The following MPDZ variants were observed in gnomAD, a reference collection of about 807,000 sequenced individuals.
The protein encoded by MPDZ is multiple PDZ domain protein.
A neutral mutation model predicts 239.1 loss-of-function variants in MPDZ; 234 were observed. The ratio of observed to expected loss-of-function variants is 0.98; its 90% CI spans 0.88 to 1.09. The LOEUF (loss-of-function observed/expected upper bound fraction) is 1.09. Ranked by LOEUF, MPDZ falls within the 50% of genes least tolerant of loss-of-function variation. The pLI is 0.00. For missense variants in MPDZ, 3,175 were observed against 2,510.0 expected (o/e 1.26, Z -5.66); for synonymous variants, 1,048 against 881.3 (o/e 1.19, Z -3.35).
rs145630154 is a variant in MPDZ, at chr9:13,225,636, G to A, written c.184-1053C>T. On this transcript the variant is annotated intron_variant, in intron 3 of 46. Coordinates refer to ENST00000319217, the MANE Select transcript of MPDZ (RefSeq NM_001378778.1). ...TTTAGAAACACAGACAATTACCATT[G>A]TGCTACAACTGCATACAGTACTCCA... Among the ~76,000 whole-genome samples, 84 of 151,942 alleles carry A rather than the reference G, an allele frequency of 5.5e-4. No individual in the cohort carries two copies. The East Asian group carries it at 0.015, about 27-fold the overall frequency.
chr9:13,272,351 A>G (rs899958339), intron 1 of MPDZ, among the ~76,000 whole-genome samples: 1 of 152,134 alleles, frequency 6.6e-6, no homozygotes, highest in East Asian at 1.9e-4. Context: ...TCCCTCAGCC[A>G]AAGAGCTAAA....
chr9:13,123,719 G>C (rs922532815), intron 35 of MPDZ, among the ~76,000 whole-genome samples: 3 of 152,170 alleles, frequency 2.0e-5, no homozygotes, highest in African/African-American at 7.2e-5. Context: ...ATGTGGCAAA[G>C]ACCTAGAAGT....
At chr9:13,251,402 C>A (rs981526974) in intron 1 of MPDZ, among the ~76,000 whole-genome samples, 9 of 152,146 alleles carry the variant, frequency 5.9e-5, no homozygotes, top group Admixed American at 4.6e-4. Flanking sequence ...CTTTGAAATA[C>A]TGGATACAGA....
In MPDZ at chr9:13,245,424, AAAG is replaced by A. The variant is rs554853528; in HGVS notation, c.183+2208_183+2210del. Among the ~76,000 whole-genome samples, 22 of 151,538 alleles carry A rather than the reference AAAG, an allele frequency of 1.5e-4. No individual in the cohort carries two copies. In the South Asian group the frequency reaches 1.5e-3, roughly 10 times the overall value. On this transcript the variant is annotated intron_variant, in intron 3 of 46. Coordinates refer to ENST00000319217, the MANE Select transcript of MPDZ (RefSeq NM_001378778.1). ...CTTTCTACCTTTGAAAAAAAAAAAA[AAAG>A]AAGAAGAAGATGTGAGACAGGCTCC...
At chr9:13,199,079 GA>G (rs148484925) in intron 12 of MPDZ, among the ~76,000 whole-genome samples, 1,720 of 151,944 alleles carry the variant, frequency 0.011, 19 homozygotes, top group Non-Finnish European at 0.014. Flanking sequence ...GTATGGCAAT[GA>G]ATATATAGAT....
At chr9:13,216,599 C>A (rs557507380) in intron 10 of MPDZ, among the ~76,000 whole-genome samples, 175 bp downstream of exon 10, 1 of 151,970 alleles carries the variant, frequency 6.6e-6, no homozygotes, top group African/African-American at 2.4e-5. Context: ...ATATCCAATA[C>A]CCTTATTTTA....
Position 13,176,385 on chromosome 9 carries a change from A to G in MPDZ, c.2682T>C (p.Leu894=). 6.3e-7 allele frequency: 1 copy of G among 1,598,488 alleles called. No individual in the cohort carries two copies. The highest frequency in any genetic ancestry group is 8.5e-7 in the Non-Finnish European group (1 of 1,171,920). Residue 894 remains leucine (L), a synonymous_variant, in exon 20 of 47, where the codon CTT becomes CTC. Coordinates refer to ENST00000319217, the MANE Select transcript of MPDZ (RefSeq NM_001378778.1). The part of the protein sequence containing the change: ...DVIENSCDPV[L]DLHMSLEELY... Reference sequence around the variant, plus strand: ...GTTCCTCCAGAGACATATGCAGATCAAGTACTGGATCACAAGAATTTTCAA... The same window carrying G: ...GTTCCTCCAGAGACATATGCAGATCGAGTACTGGATCACAAGAATTTTCAA...
chr9:13,165,315 A>C lies in MPDZ; in HGVS notation c.3255-2520T>G. 3 of 1,529,996 alleles carry C rather than the reference A, an allele frequency of 2.0e-6. No homozygotes were observed. The South Asian group carries it at 3.7e-5, about 19-fold the overall frequency. The allele number at this position is 1,529,996 out of a possible 1,614,324, so 94.8% of individuals were successfully genotyped here. On this transcript the variant is annotated intron_variant, in intron 22 of 46. Transcript: ENST00000319217. ...TACAAAAGCACAAAATTGTTTTCAC[A>C]GACAAGTTGTAACACACAGCCATAA...
intron 12 of MPDZ, among the ~76,000 whole-genome samples, chr9:13,202,405 C>A (rs895877759): frequency 6.6e-6 from 1 of 152,112 alleles, no homozygotes; most frequent in Non-Finnish European, 1.5e-5. Context: ...ATGAGAGCAC[C>A]AGGATTTTGT....
intron 22 of MPDZ, among the ~76,000 whole-genome samples, chr9:13,163,481 T>C (rs187013857): frequency 3.3e-5 from 5 of 152,302 alleles, no homozygotes; most frequent in Admixed American, 6.5e-5. Flanking sequence ...TGAATGCCTA[T>C]TATGCGGAAG....
At chr9:13,125,490 G>T in intron 34 of MPDZ, 100 bp from the exon 35 acceptor site, 1 of 1,091,830 alleles carries the variant, frequency 9.2e-7, no homozygotes, top group Non-Finnish European at 1.3e-6. Flanking sequence ...TCTCTCTATG[G>T]TTAAGGGGAG....
intron 5 of MPDZ, 42 bp downstream of exon 5, chr9:13,223,529 A>T (rs758107404): frequency 6.4e-7 from 1 of 1,558,752 alleles, no homozygotes; most frequent in Admixed American, 2.0e-5. Context: ...AAACCTTCAG[A>T]ATGTGGGATC....
chr9:13,142,703 T>C (rs971035576), intron 27 of MPDZ, among the ~76,000 whole-genome samples: 2 of 152,136 alleles, frequency 1.3e-5, no homozygotes, highest in Admixed American at 6.6e-5. Flanking sequence ...CAGTAATTCC[T>C]ATAGCAATAG....
chr9:13,226,040 A>G (rs1960474465), intron 3 of MPDZ, among the ~76,000 whole-genome samples: 1 of 152,018 alleles, frequency 6.6e-6, no homozygotes, highest in Non-Finnish European at 1.5e-5. Flanking sequence ...GAACCTCGCA[A>G]ATTTGCAGCT....
At chr9:13,133,945 T>A in intron 31 of MPDZ, 41 bp from the exon 32 acceptor site, 1 of 1,182,648 alleles carries the variant, frequency 8.5e-7, no homozygotes, top group Admixed American at 2.5e-5. Context: ...CAACTGAGTG[T>A]TAGGAAATTT....
At chr9:13,188,546 G>A (rs1016679059) in intron 17 of MPDZ, among the ~76,000 whole-genome samples, 2 of 151,978 alleles carry the variant, frequency 1.3e-5, no homozygotes, top group Non-Finnish European at 2.9e-5. Flanking sequence ...AATGTCAAAA[G>A]TGAACCAAAG....
Position 13,186,380 on chromosome 9 carries a change from G to T in MPDZ, c.2371C>A (p.Pro791Thr). The change falls in exon 18 of 47, where the codon CCA becomes ACA. Residue 791 changes from proline (P) to threonine (T), a missense_variant. Pro to Thr is a conservative substitution (Grantham distance 38, BLOSUM62 -1). Coordinates refer to ENST00000319217, the MANE Select transcript of MPDZ (RefSeq NM_001378778.1). ...TTAGCAGAAACATAACCTTCTTCTG[G>T]TGAAAGCTGCAGGGAAAAAATGGTA... ...IGVAKPLPLS[P>T]EEGYVSAKED... The T allele has an allele frequency of 6.4e-7, 1 of 1,565,256 alleles. No homozygotes were observed. Among genetic ancestry groups the T allele is most frequent in the Non-Finnish European group, 8.7e-7 (1 of 1,151,820 alleles).
chr9:13,141,029 G>A (rs930907275), intron 27 of MPDZ: 2 of 150,868 alleles, frequency 1.3e-5, no homozygotes, highest in African/African-American at 4.9e-5. Context: ...AGGAAACACA[G>A]GAGACTCCTT....
At chr9:13,183,031 T>C (rs1180747896) in intron 19 of MPDZ, among the ~76,000 whole-genome samples, 1 of 152,152 alleles carries the variant, frequency 6.6e-6, no homozygotes, top group Non-Finnish European at 1.5e-5. Context: ...AATATTTTAC[T>C]ATCCAACTTT....
Sources: gnomAD v4.1 joint callset for allele counts (sites outside exome capture counted in the v4.1 genomes callset) on GRCh38, gnomAD v4.1.1 for gene constraint, MANE v1.5 for transcripts, NCBI Gene and HGNC (gene_info 2026-07-23, HGNC 2026-07-21) for gene names.